Variants in CADM2 observed in about 807,000 individuals in gnomAD.
The protein encoded by CADM2 is immunoglobulin superfamily member 4D.
Under a neutral mutation model 49.8 loss-of-function variants are expected in CADM2, and 12 were observed. That is an observed-to-expected ratio of 0.24 (90% CI 0.15 to 0.39). CADM2 has a LOEUF of 0.39. Ranked by LOEUF, CADM2 falls within the 10% of genes least tolerant of loss-of-function variation. CADM2 has a pLI of 1.00. For synonymous variants in CADM2, 214 were observed against 175.4 expected (o/e 1.22, Z -1.74); for missense variants, 378 against 492.3 (o/e 0.77, Z 2.20).
intron 1 of CADM2, among the ~76,000 whole-genome samples, chr3:85,088,271 C>T (rs1277214453): frequency 3.9e-5 from 6 of 152,074 alleles, no homozygotes; most frequent in African/African-American, 1.4e-4. Context: ...AGCTGGGGCA[C>T]ATGTATCTCA....
In CADM2 at chr3:85,286,613, T is replaced by C. The variant is rs938884975; in HGVS notation, c.61+326945T>C. ...AACTAAAGTCACTCAGGAACCTCCT[T>C]AATTATAATTCTAGATATAATTGAC... On this transcript the variant is annotated intron_variant, in intron 1 of 9. Coordinates refer to ENST00000383699, the MANE Select transcript of CADM2 (RefSeq NM_001167675.2). 2.6e-5 allele frequency among the ~76,000 whole-genome samples: 4 copies of C among 152,262 alleles called. No homozygotes were observed. In the East Asian group the frequency reaches 7.7e-4, roughly 29 times the overall value.
At chr3:85,578,815 T>C (rs1310755281) in intron 1 of CADM2, among the ~76,000 whole-genome samples, 1 of 152,220 alleles carries the variant, frequency 6.6e-6, no homozygotes, top group Non-Finnish European at 1.5e-5. Flanking sequence ...TCTGTTGCTA[T>C]TGATATCAAC....
At chr3:86,017,168 G>A (rs574470918) in intron 8 of CADM2, among the ~76,000 whole-genome samples, 27 of 141,534 alleles carry the variant, frequency 1.9e-4, no homozygotes, top group African/African-American at 2.6e-4. Flanking sequence ...GTGTGTGTGT[G>A]TATATATATA....
At chr3:85,528,055 A>G (rs1474949567) in intron 1 of CADM2, among the ~76,000 whole-genome samples, 1 of 152,152 alleles carries the variant, frequency 6.6e-6, no homozygotes, top group Non-Finnish European at 1.5e-5. Context: ...AGGGACAAAG[A>G]TCACTTTTGC....
chr3:85,306,041 AT>A (rs1299327495), intron 1 of CADM2, among the ~76,000 whole-genome samples: 4 of 151,596 alleles, frequency 2.6e-5, no homozygotes, highest in African/African-American at 9.7e-5. Flanking sequence ...AAACCTAATA[AT>A]TTTTGCTGCA....
At chr3:86,018,724 G>A (rs1466255849) in intron 8 of CADM2, among the ~76,000 whole-genome samples, 1 of 152,138 alleles carries the variant, frequency 6.6e-6, no homozygotes, top group Non-Finnish European at 1.5e-5. Flanking sequence ...TGATGGGGTT[G>A]TTTGGTTTAT....
intron 6 of CADM2, among the ~76,000 whole-genome samples, chr3:85,924,432 A>C (rs1719556670): frequency 6.6e-6 from 1 of 151,958 alleles, no homozygotes; most frequent in Non-Finnish European, 1.5e-5. Flanking sequence ...CTCTACAAAA[A>C]ATACAAAATA....
chr3:85,146,193 G>A (rs560237843), intron 1 of CADM2, among the ~76,000 whole-genome samples: 1 of 152,230 alleles, frequency 6.6e-6, no homozygotes, highest in Admixed American at 6.5e-5. Context: ...GGCATCAATG[G>A]ATTTTTACAT....
intron 1 of CADM2, among the ~76,000 whole-genome samples, chr3:85,223,511 C>T (rs954220462): frequency 2.0e-5 from 3 of 152,070 alleles, no homozygotes; most frequent in South Asian, 2.1e-4. Flanking sequence ...ATATTTATCC[C>T]GGAGTAGGAC....
chr3:85,943,916 A>C (rs1184465098), intron 7 of CADM2, among the ~76,000 whole-genome samples: 1 of 152,046 alleles, frequency 6.6e-6, no homozygotes, highest in African/African-American at 2.4e-5. Context: ...AAATTCACAC[A>C]TAACAATATT....
chr3:85,508,216 A>G (rs1674523024), intron 1 of CADM2, among the ~76,000 whole-genome samples: 1 of 152,094 alleles, frequency 6.6e-6, no homozygotes. Flanking sequence ...GCTTTTTATG[A>G]CCTACTATTT....
At chr3:85,464,661 A>T (rs1281289862) in intron 1 of CADM2, among the ~76,000 whole-genome samples, 1 of 152,180 alleles carries the variant, frequency 6.6e-6, no homozygotes, top group Non-Finnish European at 1.5e-5. Flanking sequence ...TGAAGATACA[A>T]TTCGTTTCAT....
chr3:85,938,529 C>G (rs1721453354), intron 7 of CADM2, among the ~76,000 whole-genome samples: 1 of 151,918 alleles, frequency 6.6e-6, no homozygotes, highest in Non-Finnish European at 1.5e-5. Context: ...AATGGGGAGT[C>G]TTGCATATTT....
chr3:85,318,327 G>A (rs1337049631), intron 1 of CADM2, among the ~76,000 whole-genome samples: 1 of 152,082 alleles, frequency 6.6e-6, no homozygotes, highest in Non-Finnish European at 1.5e-5. Flanking sequence ...TGGAAAAGGA[G>A]GAAAGATTAT....
At chr3:85,584,373 T>C (rs1215004273) in intron 1 of CADM2, among the ~76,000 whole-genome samples, 1 of 152,022 alleles carries the variant, frequency 6.6e-6, no homozygotes, top group Non-Finnish European at 1.5e-5. Context: ...TACTAAGATA[T>C]AAAGTTCAAA....
intron 1 of CADM2, among the ~76,000 whole-genome samples, chr3:84,969,721 A>G (rs1219622574): frequency 6.6e-6 from 1 of 151,968 alleles, no homozygotes; most frequent in Admixed American, 6.6e-5. Flanking sequence ...ACCCCAAGAA[A>G]CAAAAATAAT....
intron 1 of CADM2, among the ~76,000 whole-genome samples, chr3:85,210,721 T>C (rs2041758532): frequency 6.6e-6 from 1 of 152,074 alleles, no homozygotes; most frequent in Admixed American, 6.6e-5. Context: ...TTGTACTTTT[T>C]TGTAGAGATG....
chr3:85,617,183 C>A (rs1327555262), intron 1 of CADM2, among the ~76,000 whole-genome samples: 1 of 152,074 alleles, frequency 6.6e-6, no homozygotes, highest in Non-Finnish European at 1.5e-5. Flanking sequence ...GTCCCCAAGC[C>A]TCCCCACCCC....
chr3:85,549,920 C>A (rs1325577820), intron 1 of CADM2, among the ~76,000 whole-genome samples: 1 of 151,776 alleles, frequency 6.6e-6, no homozygotes, highest in Non-Finnish European at 1.5e-5. Flanking sequence ...ACATGACTCA[C>A]CACCTAAAGG....
Sources: gnomAD v4.1 joint callset for allele counts (sites outside exome capture counted in the v4.1 genomes callset) on GRCh38, gnomAD v4.1.1 for gene constraint, MANE v1.5 for transcripts, NCBI Gene and HGNC (gene_info 2026-07-23, HGNC 2026-07-21) for gene names.